Variants in PRKCE observed in about 807,000 individuals in gnomAD.
PRKCE encodes the protein protein kinase C epsilon type.
In PRKCE, 16 loss-of-function variants were observed where a neutral mutation model predicts 85.4. The ratio of observed to expected loss-of-function variants is 0.19; its 90% confidence interval spans 0.13 to 0.28. The LOEUF (loss-of-function observed/expected upper bound fraction) is 0.28. PRKCE is among the 10% of genes least tolerant of loss of function. The pLI is 1.00. For synonymous variants in PRKCE, 388 were observed against 371.5 expected (o/e 1.04, Z -0.51); for missense variants, 573 against 975.2 (o/e 0.59, Z 5.49).
chr2:46,115,362 T>A (rs1373254441), intron 11 of PRKCE, among the ~76,000 whole-genome samples: 3 of 152,150 alleles, frequency 2.0e-5, no homozygotes, highest in Non-Finnish European at 4.4e-5. Flanking sequence ...AAACCTAACA[T>A]TTTTTTGTAC....
chr2:45,800,377 C>T (rs566030962), intron 1 of PRKCE, among the ~76,000 whole-genome samples: 20 of 152,326 alleles, frequency 1.3e-4, no homozygotes, highest in African/African-American at 4.8e-4. Context: ...GGGTCTGACT[C>T]GAGAGAGCAA....
intron 2 of PRKCE, among the ~76,000 whole-genome samples, chr2:45,917,277 CAG>C (rs1444631729): frequency 6.6e-6 from 1 of 152,132 alleles, no homozygotes; most frequent in Non-Finnish European, 1.5e-5. Context: ...TAGCTAGATA[CAG>C]AGTGTCAATT....
At chr2:46,176,196 C>G (rs924103646) in intron 14 of PRKCE, among the ~76,000 whole-genome samples, 1 of 152,038 alleles carries the variant, frequency 6.6e-6, no homozygotes, top group African/African-American at 2.4e-5. Flanking sequence ...AAATTGAAAC[C>G]CAAGAGAGGC....
At chr2:45,871,470 G>T (rs1018333273) in intron 2 of PRKCE, among the ~76,000 whole-genome samples, 1 of 152,286 alleles carries the variant, frequency 6.6e-6, no homozygotes, top group African/African-American at 2.4e-5. Context: ...CCGTGGCTTT[G>T]CTTTCTCTTG....
At chr2:46,035,720 A>G (rs1486008755) in intron 10 of PRKCE, among the ~76,000 whole-genome samples, 3 of 152,060 alleles carry the variant, frequency 2.0e-5, no homozygotes, top group Non-Finnish European at 4.4e-5. Flanking sequence ...GGCACGTTAT[A>G]TATAGTAAGT....
At position 45,920,100 on chromosome 2, in the gene PRKCE, A is replaced by T. The variant is rs374734585; in HGVS notation, c.413-56329A>T. Among the ~76,000 whole-genome samples, 22 of 152,348 alleles carry T rather than the reference A, an allele frequency of 1.4e-4. No individual in the cohort carries two copies. The South Asian group carries it at 4.6e-3, about 32-fold the overall frequency. On this transcript the variant is annotated intron_variant, in intron 2 of 14. Transcript: ENST00000306156. ...ACACCCATCACCCTAGATCTCCAGA[A>T]CTAGTAGCCCCACTGATAGGAACAA... is the stretch of plus-strand genomic sequence containing the variant.
intron 11 of PRKCE, among the ~76,000 whole-genome samples, chr2:46,144,260 C>T (rs1675846384): frequency 6.6e-6 from 1 of 152,190 alleles, no homozygotes; most frequent in African/African-American, 2.4e-5. Flanking sequence ...TTCCTTGCTG[C>T]CTCCAGACCT....
At chr2:45,946,427 G>A (rs1700249434) in intron 2 of PRKCE, among the ~76,000 whole-genome samples, 1 of 152,222 alleles carries the variant, frequency 6.6e-6, no homozygotes, top group African/African-American at 2.4e-5. Context: ...AGGGCTTACA[G>A]GGGAAGCAGG....
intron 10 of PRKCE, among the ~76,000 whole-genome samples, chr2:46,081,845 C>T (rs1165144651): frequency 6.6e-6 from 1 of 152,128 alleles, no homozygotes; most frequent in Admixed American, 6.5e-5. Context: ...CTTGTAATCC[C>T]AGCATTCTGG....
intron 1 of PRKCE, among the ~76,000 whole-genome samples, chr2:45,655,555 G>A (rs1035738775): frequency 6.6e-6 from 1 of 152,156 alleles, no homozygotes; most frequent in African/African-American, 2.4e-5. Flanking sequence ...GCTAGGCACT[G>A]TGGCTCATGC....
chr2:46,156,364 C>A (rs901750328), intron 13 of PRKCE, among the ~76,000 whole-genome samples: 23 of 151,488 alleles, frequency 1.5e-4, no homozygotes, highest in African/African-American at 5.3e-4. Context: ...CTGTGCTTCT[C>A]TCAGGGAGTT....
intron 10 of PRKCE, among the ~76,000 whole-genome samples, chr2:46,071,968 AAC>A (rs1464608818): frequency 6.6e-6 from 1 of 152,182 alleles, no homozygotes; most frequent in Admixed American, 6.5e-5. Flanking sequence ...GTGTATTTTA[AAC>A]ACACGCGGGA....
At chr2:45,798,463 G>C (rs564257212) in intron 1 of PRKCE, among the ~76,000 whole-genome samples, 1 of 152,248 alleles carries the variant, frequency 6.6e-6, no homozygotes, top group African/African-American at 2.4e-5. Context: ...AGGCGCTAAG[G>C]GAGAGCCATA....
intron 1 of PRKCE, among the ~76,000 whole-genome samples, chr2:45,712,193 G>A (rs1429134597): frequency 7.8e-6 from 1 of 128,816 alleles, no homozygotes; most frequent in Non-Finnish European, 1.6e-5. Flanking sequence ...TGTTCCCCAG[G>A]CTGGAGTGCA....
chr2:46,018,197 G>C (rs555930882), intron 10 of PRKCE, among the ~76,000 whole-genome samples: 1 of 152,214 alleles, frequency 6.6e-6, no homozygotes, highest in Non-Finnish European at 1.5e-5. Context: ...GCACAGGAAC[G>C]ATCCAAAATG....
chr2:45,915,183 C>G (rs189759756), intron 2 of PRKCE, among the ~76,000 whole-genome samples: 1 of 152,324 alleles, frequency 6.6e-6, no homozygotes, highest in East Asian at 1.9e-4. Flanking sequence ...GCCACTGTAC[C>G]CAGACTCCAT....
chr2:45,674,848 T>G (rs1676347051), intron 1 of PRKCE: 1 of 152,226 alleles, frequency 6.6e-6, no homozygotes, highest in African/African-American at 2.4e-5. Context: ...TTTATGAGAA[T>G]TCTCGGCCTC....
At chr2:45,941,328 A>G (rs56122214) in intron 2 of PRKCE, among the ~76,000 whole-genome samples, 21,840 of 152,132 alleles carry the variant, frequency 0.14, 1,850 homozygotes, top group South Asian at 0.23. Context: ...CATTTTCTGC[A>G]TGTTCAACAA....
chr2:45,779,993 T>C (rs868001575), intron 1 of PRKCE, among the ~76,000 whole-genome samples: 7 of 152,232 alleles, frequency 4.6e-5, no homozygotes, highest in Non-Finnish European at 8.8e-5. Flanking sequence ...TAGGTTCTCC[T>C]GAACTGGATT....
Sources: gnomAD v4.1 joint callset for allele counts (sites outside exome capture counted in the v4.1 genomes callset) on GRCh38, gnomAD v4.1.1 for gene constraint, MANE v1.5 for transcripts, NCBI Gene and HGNC (gene_info 2026-07-23, HGNC 2026-07-21) for gene names.